RCOR1: variants seen among roughly 807,000 people sequenced by gnomAD.
RCOR1 encodes REST corepressor.
A neutral mutation model predicts 64.0 loss-of-function variants in RCOR1; 12 were observed. The ratio of observed to expected loss-of-function variants is 0.19; its 90% CI spans 0.12 to 0.30. The LOEUF is 0.30. RCOR1 is among the 10% of genes least tolerant of loss of function. The probability of loss-of-function intolerance (pLI) is 1.00; values close to 1 mark genes in which losing one functional copy is unlikely to be tolerated. For missense variants in RCOR1, 502 were observed against 621.2 expected, an observed-to-expected ratio of 0.81 and a Z score of 2.04; for synonymous variants, 279 against 227.2, an observed-to-expected ratio of 1.23 and a Z score of -2.05.
At chr14:102,614,956 C>T (rs898192843) in intron 2 of RCOR1, among the ~76,000 whole-genome samples, 2 of 151,708 alleles carry the variant, frequency 1.3e-5, no homozygotes, top group Admixed American at 6.6e-5. Flanking sequence ...CTCAGCCTCC[C>T]GAGTAGCTGG....
At chr14:102,642,496 G>C (rs1894389252) in intron 2 of RCOR1, among the ~76,000 whole-genome samples, 1 of 152,132 alleles carries the variant, frequency 6.6e-6, no homozygotes, top group African/African-American at 2.4e-5. Flanking sequence ...TTATAAAAAA[G>C]TCTTAGGCCG....
intron 2 of RCOR1, chr14:102,656,100 T>C: frequency 3.0e-6 from 3 of 985,334 alleles, no homozygotes; most frequent in Non-Finnish European, 3.6e-6. Flanking sequence ...AAACAGATTC[T>C]TTTCATTCTT....
At chr14:102,603,712 C>T (rs1277069921) in intron 2 of RCOR1, among the ~76,000 whole-genome samples, 1 of 152,108 alleles carries the variant, frequency 6.6e-6, no homozygotes, top group Non-Finnish European at 1.5e-5. Context: ...CCTTCATCTC[C>T]TGGGCTCACA....
Position 102,730,035 on chromosome 14 carries a change from C to T in RCOR1, c.*3529C>T, listed in dbSNP as rs1566717501. 2.5e-6 allele frequency: 1 copy of T among 399,060 alleles called. No individual in the cohort carries two copies. Among genetic ancestry groups the T allele is most frequent in the African/African-American group, 2.1e-5 (1 of 48,744 alleles). 24.7% of individuals were successfully genotyped at this position (399,060 alleles called of 1,614,324 possible). ...TCTGCAGCTTCTCTTACCTGTCTTA[C>T]CTGTAGTAAAGCACAATTGCAGTGG... On this transcript the variant is annotated 3_prime_UTR_variant, in exon 12 of 12. Transcript: ENST00000262241.
chr14:102,694,226 A>AT (rs1233684201), intron 3 of RCOR1, among the ~76,000 whole-genome samples: 3 of 152,136 alleles, frequency 2.0e-5, no homozygotes, highest in Non-Finnish European at 4.4e-5. Flanking sequence ...GTAAAGTGGG[A>AT]TTTTAACAAA....
intron 2 of RCOR1, 33 bp downstream of exon 2, chr14:102,593,358 G>A (rs781616504): frequency 1.3e-6 from 2 of 1,503,858 alleles, no homozygotes; most frequent in African/African-American, 1.5e-5. Context: ...CGGCGGCGGG[G>A]ATGAGCGGGA....
intron 2 of RCOR1, among the ~76,000 whole-genome samples, chr14:102,610,272 T>G (rs1444994924): frequency 6.6e-6 from 1 of 152,144 alleles, no homozygotes; most frequent in Non-Finnish European, 1.5e-5. Flanking sequence ...TCTTTAAAAT[T>G]TTAGTTTAGA....
chr14:102,635,815 G>A (rs960048049), intron 2 of RCOR1, among the ~76,000 whole-genome samples: 11 of 152,098 alleles, frequency 7.2e-5, no homozygotes, highest in Non-Finnish European at 1.5e-4. Context: ...AGCCAGGCGT[G>A]GTGTCATGCA....
chr14:102,725,748 C>A (rs1284933920), intron 11 of RCOR1, among the ~76,000 whole-genome samples: 2 of 151,808 alleles, frequency 1.3e-5, no homozygotes, highest in South Asian at 2.1e-4. Context: ...GCCAATATTT[C>A]TTTTCAGTAG....
intron 9 of RCOR1, 44 bp downstream of exon 9, chr14:102,721,128 T>TA (rs757014239): frequency 7.9e-7 from 1 of 1,267,266 alleles, no homozygotes; most frequent in African/African-American, 1.5e-5. Flanking sequence ...ATTCAAGTTT[T>TA]ACATGTTTAA....
rs1264542688 is a variant in RCOR1 at position 102,730,399 on chromosome 14, T to C, written c.*3893T>C. On this transcript the variant is annotated 3_prime_UTR_variant, in exon 12 of 12. Transcript: ENST00000262241. Reference sequence around the variant, plus strand: ...CCTGTTTTCTATTTCAGCACATTCATTGTGGTGAATGTTCATAGCATTATA... The same window carrying C: ...CCTGTTTTCTATTTCAGCACATTCACTGTGGTGAATGTTCATAGCATTATA... The C allele has an allele frequency of 1.2e-5, 2 of 167,494 alleles. No individual in the cohort carries two copies. The highest frequency in any genetic ancestry group is 2.4e-5 in the African/African-American group (1 of 42,084). 10.4% of individuals were successfully genotyped at this position (167,494 alleles called of 1,614,324 possible). A position where few individuals can be genotyped will look rare whatever the true frequency, so the allele number is the denominator to read the frequency against.
At chr14:102,708,900 C>T (rs1030527087) in intron 6 of RCOR1, among the ~76,000 whole-genome samples, 1 of 152,112 alleles carries the variant, frequency 6.6e-6, no homozygotes, top group Non-Finnish European at 1.5e-5. Flanking sequence ...TATATTTTTA[C>T]AAGATTCATT....
Position 102,599,118 on chromosome 14 carries a change from G to A in RCOR1, c.361+5793G>A, listed in dbSNP as rs575927007. On this transcript the variant is annotated intron_variant, in intron 2 of 11. Coordinates refer to ENST00000262241, the MANE Select transcript of RCOR1 (RefSeq NM_015156.4). ...CATCACTTATTTTGAAATGAATAAT[G>A]TTTTTCTTTCCTTTTTTTTCCTTTT... Among the ~76,000 whole-genome samples the A allele has an allele frequency of 2.6e-4, 39 of 151,674 alleles. No individual in the cohort carries two copies. In the South Asian group the frequency reaches 8.1e-3, roughly 32 times the overall value.
At chr14:102,706,845 A>G (rs952015973) in intron 4 of RCOR1, among the ~76,000 whole-genome samples, 4 of 151,152 alleles carry the variant, frequency 2.6e-5, no homozygotes, top group Admixed American at 2.6e-4. Context: ...AATAATAATA[A>G]TAAATTTTTT....
At chr14:102,709,723 A>C (rs951178428) in intron 6 of RCOR1, among the ~76,000 whole-genome samples, 1 of 152,214 alleles carries the variant, frequency 6.6e-6, no homozygotes, top group African/African-American at 2.4e-5. Flanking sequence ...TTTATGGATG[A>C]GTACTCTTAT....
At chr14:102,672,359 G>A (rs370246971) in intron 2 of RCOR1, among the ~76,000 whole-genome samples, 10 of 151,870 alleles carry the variant, frequency 6.6e-5, no homozygotes, top group Non-Finnish European at 1.5e-4. Context: ...ACAGGCGCCC[G>A]CCACCACACC....
chr14:102,639,744 G>C (rs1894326441), intron 2 of RCOR1, among the ~76,000 whole-genome samples: 1 of 151,818 alleles, frequency 6.6e-6, no homozygotes, highest in South Asian at 2.1e-4. Context: ...TGTTGGCCGG[G>C]CTGGTCTTGA....
chr14:102,656,777 C>CTT (rs200671967), intron 2 of RCOR1, among the ~76,000 whole-genome samples: 12 of 146,596 alleles, frequency 8.2e-5, no homozygotes, highest in Admixed American at 7.5e-4. Context: ...GGTTTCTTTT[C>CTT]TTTTCTTTTT....
intron 2 of RCOR1, among the ~76,000 whole-genome samples, chr14:102,679,972 T>C (rs190261861): frequency 6.6e-6 from 1 of 152,346 alleles, no homozygotes; most frequent in African/African-American, 2.4e-5. Flanking sequence ...CAATTTTGAT[T>C]GGAGTTGCAT....
Sources: gnomAD v4.1 joint callset for allele counts (sites outside exome capture counted in the v4.1 genomes callset) on GRCh38, gnomAD v4.1.1 for gene constraint, MANE v1.5 for transcripts, NCBI Gene and HGNC (gene_info 2026-07-23, HGNC 2026-07-21) for gene names.